PASD1: variants seen among roughly 807,000 people sequenced by gnomAD.
The protein encoded by PASD1 is circadian clock protein PASD1.
Under a neutral mutation model 58.8 loss-of-function variants are expected in PASD1, and 13 were observed. The observed-to-expected ratio is 0.22, with a 90% CI of 0.14 to 0.35. The LOEUF (loss-of-function observed/expected upper bound fraction) is 0.35. Among genes scored for constraint, PASD1 ranks in the 10% least tolerant of loss-of-function variants. PASD1 has a pLI of 1.00. For missense variants in PASD1, 734 were observed against 568.3 expected (o/e 1.29, Z -2.96); for synonymous variants, 236 against 216.7 (o/e 1.09, Z -0.78).
In PASD1 at chrX:151,665,921, A is replaced by C. The variant is rs1308435478; in HGVS notation, c.1071+1573A>C. Reference sequence around the variant, plus strand: ...GTGTGTGTTTTTTTTTTTTTGGTCTAATGAATGTCTGCTTTCTTATAGGAA... The same window carrying C: ...GTGTGTGTTTTTTTTTTTTTGGTCTCATGAATGTCTGCTTTCTTATAGGAA... On this transcript the variant is annotated intron_variant, in intron 11 of 15. Transcript: ENST00000370357. Among the ~76,000 whole-genome samples, 3 of 105,086 alleles carry C rather than the reference A, an allele frequency of 2.9e-5. No homozygotes were observed. In the Admixed American group the frequency reaches 3.1e-4, roughly 11 times the overall value. The allele number at this position is 105,086 out of a possible 115,157, so 91.3% of individuals were successfully genotyped here.
chrX:151,674,871 A>G (rs1442874667), intron 15 of PASD1, among the ~76,000 whole-genome samples: 1 of 111,905 alleles, frequency 8.9e-6, no homozygotes, highest in African/African-American at 3.3e-5. Context: ...TAACCAGAAC[A>G]AACAGTAAGC....
intron 1 of PASD1, among the ~76,000 whole-genome samples, chrX:151,565,558 C>CTTTTTT (rs745371329): frequency 1.2e-5 from 1 of 84,129 alleles, no homozygotes; most frequent in African/African-American, 4.7e-5. Context: ...TTTTTCCTTA[C>CTTTTTT]TTTTTTTTTT....
At chrX:151,675,955 ACT>A (rs1569418418) in intron 15 of PASD1, 40 bp from the exon 16 acceptor site, 3 of 1,196,436 alleles carry the variant, frequency 2.5e-6, no homozygotes, top group Non-Finnish European at 3.4e-6. Context: ...GGGCCCACAG[ACT>A]CTAGCAAACA....
intron 1 of PASD1, among the ~76,000 whole-genome samples, chrX:151,567,488 T>C (rs2012864223): frequency 9.0e-6 from 1 of 111,350 alleles, no homozygotes; most frequent in Admixed American, 9.6e-5. Flanking sequence ...CAGAGGCTTC[T>C]GGGGACTACT....
At chrX:151,633,396 A>G (rs1207169805) in intron 8 of PASD1, among the ~76,000 whole-genome samples, 2 of 111,627 alleles carry the variant, frequency 1.8e-5, no homozygotes, top group Admixed American at 9.5e-5. Flanking sequence ...GCTTACATCC[A>G]GGGAAAGAAC....
chrX:151,623,521 T>C (rs1006300718), intron 7 of PASD1, among the ~76,000 whole-genome samples: 1 of 111,934 alleles, frequency 8.9e-6, no homozygotes, highest in Admixed American at 9.6e-5. Context: ...AGAATTCACT[T>C]TGGAATTCAT....
chrX:151,584,735 A>G (rs2013143215), intron 1 of PASD1, among the ~76,000 whole-genome samples: 1 of 112,080 alleles, frequency 8.9e-6, no homozygotes, highest in South Asian at 3.7e-4. Context: ...TAAACTTCAC[A>G]CAGAATTCAC....
chrX:151,566,573 G>T (rs1417445625), intron 1 of PASD1, among the ~76,000 whole-genome samples: 1 of 111,551 alleles, frequency 9.0e-6, no homozygotes, highest in Non-Finnish European at 1.9e-5. Context: ...GCCACGGCAG[G>T]ATTTTAAGAA....
In PASD1 at chrX:151,653,864, C is replaced by T. The variant is rs867414345; in HGVS notation, c.717+5162C>T. Among the ~76,000 whole-genome samples the T allele has an allele frequency of 2.2e-3, 55 of 25,475 alleles. 1 individual carries two copies. Among genetic ancestry groups the T allele is most frequent in the African/African-American group, 6.0e-3 (52 of 8,666 alleles). The allele number at this position is 25,475 out of a possible 115,157, so 22.1% of individuals were successfully genotyped here. On this transcript the variant is annotated intron_variant, in intron 9 of 15. Transcript: ENST00000370357. ...CTTCCTTCCCTCCCTCCCTCCCTCCCTCCCTCTTTCTTTCTTTCTTTCTTT... is the reference window on the plus strand; with the variant it reads ...CTTCCTTCCCTCCCTCCCTCCCTCCTTCCCTCTTTCTTTCTTTCTTTCTTT...
At chrX:151,584,739 A>G (rs944074209) in intron 1 of PASD1, among the ~76,000 whole-genome samples, 5 of 112,177 alleles carry the variant, frequency 4.5e-5, no homozygotes, top group African/African-American at 1.6e-4. Flanking sequence ...CTTCACACAG[A>G]ATTCACTACG....
chrX:151,569,923 G>A (rs1569396363), intron 1 of PASD1, among the ~76,000 whole-genome samples: 2 of 110,947 alleles, frequency 1.8e-5, no homozygotes, highest in Admixed American at 1.9e-4. Context: ...CTTTTCACTC[G>A]GTGGTATATA....
At chrX:151,581,945 T>G (rs1002194440) in intron 1 of PASD1, among the ~76,000 whole-genome samples, 1 of 108,420 alleles carries the variant, frequency 9.2e-6, no homozygotes, top group African/African-American at 3.3e-5. Context: ...AGGGGCAATA[T>G]TCCCAATAAT....
intron 8 of PASD1, among the ~76,000 whole-genome samples, chrX:151,634,147 C>A (rs1412008175): frequency 9.0e-6 from 1 of 111,422 alleles, no homozygotes; most frequent in East Asian, 2.8e-4. Context: ...TTGGCAGGAA[C>A]TATATGTGTC....
chrX:151,592,612 T>C (rs761628677), intron 1 of PASD1, among the ~76,000 whole-genome samples: 1 of 112,105 alleles, frequency 8.9e-6, no homozygotes, highest in East Asian at 2.8e-4. Context: ...TCCAATTTTC[T>C]TTGGGGTTTC....
intron 8 of PASD1, among the ~76,000 whole-genome samples, chrX:151,642,940 C>T (rs188118587): frequency 9.0e-6 from 1 of 111,229 alleles, no homozygotes; most frequent in Non-Finnish European, 1.9e-5. Context: ...GCTTGGGCTT[C>T]CAACCCCTGA....
intron 1 of PASD1, among the ~76,000 whole-genome samples, chrX:151,581,538 A>G (rs777514476): frequency 7.2e-5 from 8 of 111,212 alleles, no homozygotes; most frequent in Non-Finnish European, 1.3e-4. Flanking sequence ...GCAGTGAGCT[A>G]TGATAGCACC....
chrX:151,611,905 T>C lies in PASD1; in HGVS notation c.207+152T>C. ...CATATGGATACATGTGCCATGTTGG[T>C]GTGCTGCACCCATTAACTCTTCATT... On this transcript the variant is annotated intron_variant, in intron 4 of 15. Transcript: ENST00000370357. 3 of 371,169 alleles carry C rather than the reference T, an allele frequency of 8.1e-6. No individual in the cohort carries two copies. The East Asian group carries it at 1.4e-4, about 17-fold the overall frequency. 30.6% of individuals were successfully genotyped at this position (371,169 alleles called of 1,213,427 possible). A position where few individuals can be genotyped will look rare whatever the true frequency, so the allele number is the denominator to read the frequency against.
chrX:151,599,949 C>A (rs776982477), intron 1 of PASD1, among the ~76,000 whole-genome samples: 1 of 111,944 alleles, frequency 8.9e-6, no homozygotes, highest in East Asian at 2.8e-4. Flanking sequence ...GCCGAGATCA[C>A]GCCACTGCAC....
In PASD1 at chrX:151,615,478, T is replaced by TA. The variant is rs1472194864; in HGVS notation, c.207+3729dup. Among the ~76,000 whole-genome samples, 10 of 111,868 alleles carry TA rather than the reference T, an allele frequency of 8.9e-5. No homozygotes were observed. The Admixed American group carries it at 9.5e-4, about 11-fold the overall frequency. ...ATGGGAATTAAGTTATATATTCCTA[T>TA]AAAACAAGGTTAAAAACGACTACAC... On this transcript the variant is annotated intron_variant, in intron 4 of 15. Transcript: ENST00000370357.
Sources: gnomAD v4.1 joint callset for allele counts (sites outside exome capture counted in the v4.1 genomes callset) on GRCh38, gnomAD v4.1.1 for gene constraint, MANE v1.5 for transcripts, NCBI Gene and HGNC (gene_info 2026-07-23, HGNC 2026-07-21) for gene names.